ERG: variants seen among roughly 807,000 people sequenced by gnomAD.
ERG encodes the protein ETS transcription factor ERG, also known as transcriptional regulator ERG.
Under a neutral mutation model 55.3 loss-of-function variants are expected in ERG, and 9 were observed. That is an observed-to-expected ratio of 0.16 (90% confidence interval 0.10 to 0.28). The LOEUF is 0.28. Ranked by LOEUF, ERG falls within the 10% of genes least tolerant of loss-of-function variation. The probability of loss-of-function intolerance (pLI) is 1.00; values close to 1 mark genes in which losing one functional copy is unlikely to be tolerated. For missense variants in ERG, 434 were observed against 631.6 expected (o/e 0.69, Z 3.35); for synonymous variants, 223 against 237.3 (o/e 0.94, Z 0.55).
intron 2 of ERG, among the ~76,000 whole-genome samples, chr21:38,431,833 C>T (rs1015570513): frequency 5.2e-4 from 79 of 152,198 alleles, no homozygotes; most frequent in Non-Finnish European, 6.5e-4. Context: ...CTAAGACCAT[C>T]CCGCACCGTG....
In ERG at chr21:38,473,587, A is replaced by T. The variant is rs184636593; in HGVS notation, c.18+24776T>A. Among the ~76,000 whole-genome samples, 24 of 152,326 alleles carry T rather than the reference A, an allele frequency of 1.6e-4. No individual in the cohort carries two copies. The East Asian group carries it at 4.4e-3, about 28-fold the overall frequency. Reference sequence around the variant, plus strand: ...AAATCTGGGAGCATCAAAAATTAAGATGCATTTACAAATCCTAGGAGAAGA... The same window carrying T: ...AAATCTGGGAGCATCAAAAATTAAGTTGCATTTACAAATCCTAGGAGAAGA... On this transcript the variant is annotated intron_variant, in intron 1 of 9. Coordinates refer to ENST00000288319, the MANE Select transcript of ERG (RefSeq NM_182918.4).
intron 1 of ERG, among the ~76,000 whole-genome samples, chr21:38,457,539 C>T (rs2059002077): frequency 6.6e-6 from 1 of 152,106 alleles, no homozygotes; most frequent in Non-Finnish European, 1.5e-5. Context: ...GAAATCTTGA[C>T]GTGTACACAG....
chr21:38,394,931 C>G (rs1988136832), intron 6 of ERG, among the ~76,000 whole-genome samples: 1 of 152,068 alleles, frequency 6.6e-6, no homozygotes, highest in African/African-American at 2.4e-5. Flanking sequence ...TGAAATGTGA[C>G]TGGGAAAAAA....
intron 2 of ERG, among the ~76,000 whole-genome samples, chr21:38,541,005 T>TG (rs1202468313): frequency 6.6e-6 from 1 of 152,040 alleles, no homozygotes; most frequent in Non-Finnish European, 1.5e-5. Context: ...GGGGAGGCAC[T>TG]GGGGTGGAAG....
intron 1 of ERG, among the ~76,000 whole-genome samples, chr21:38,608,665 C>A (rs1310008424): frequency 6.6e-6 from 1 of 152,100 alleles, no homozygotes; most frequent in African/African-American, 2.4e-5. Flanking sequence ...GTGTCTGGGA[C>A]CCCACATTCT....
chr21:38,624,714 TA>T (rs1315492645), intron 1 of ERG, among the ~76,000 whole-genome samples: 1 of 152,162 alleles, frequency 6.6e-6, no homozygotes, highest in Non-Finnish European at 1.5e-5. Flanking sequence ...TTCTTGTCTG[TA>T]AAACTGGGAT....
At chr21:38,501,061 CTTTTTTT>C (rs34639260), upstream of ERG, among the ~76,000 whole-genome samples, 1 of 81,186 alleles carries the variant, frequency 1.2e-5, no homozygotes, top group Non-Finnish European at 2.3e-5. Context: ...CAAGGCACAT[CTTTTTTT>C]TTTTTTTTTT....
chr21:38,600,753 G>A (rs1006588074), intron 1 of ERG, among the ~76,000 whole-genome samples: 1 of 152,214 alleles, frequency 6.6e-6, no homozygotes, highest in African/African-American at 2.4e-5. Context: ...CTGGCTTAAA[G>A]ATGCCAAGAG....
chr21:38,396,052 C>G (rs554495536), intron 6 of ERG, among the ~76,000 whole-genome samples: 1 of 152,298 alleles, frequency 6.6e-6, no homozygotes, highest in Non-Finnish European at 1.5e-5. Context: ...GGTTCCCTGG[C>G]TGGGCTGGAT....
chr21:38,530,259 C>T (rs1232971470), intron 2 of ERG, among the ~76,000 whole-genome samples: 7 of 151,980 alleles, frequency 4.6e-5, no homozygotes, highest in Non-Finnish European at 8.8e-5. Context: ...AGGGTTTCAT[C>T]GTGTTGGCCA....
chr21:38,566,027 C>G (rs986779336), intron 2 of ERG, among the ~76,000 whole-genome samples: 6 of 152,088 alleles, frequency 3.9e-5, no homozygotes, highest in African/African-American at 1.4e-4. Flanking sequence ...CCATTGTCAC[C>G]CATCAAATCA....
At chr21:38,655,677 G>A (rs756963488) in intron 1 of ERG, among the ~76,000 whole-genome samples, 2 of 152,108 alleles carry the variant, frequency 1.3e-5, no homozygotes, top group Admixed American at 6.5e-5. Context: ...GCTTGAGTGT[G>A]GATTTTTAAA....
chr21:38,518,234 GTGTATCTATCTATC>G (rs894603104), intron 2 of ERG, among the ~76,000 whole-genome samples: 16 of 134,972 alleles, frequency 1.2e-4, no homozygotes, highest in African/African-American at 4.4e-4. Flanking sequence ...ATGTGTGTGT[GTGTATCTATCTATC>G]TATCTATCTA....
intron 2 of ERG, among the ~76,000 whole-genome samples, chr21:38,552,904 C>T (rs1479977961): frequency 1.3e-5 from 2 of 151,524 alleles, no homozygotes; most frequent in South Asian, 2.1e-4. Context: ...GTCAAACTAT[C>T]TCTCTTCACA....
chr21:38,585,946 T>C (rs1272984904), upstream of ERG, among the ~76,000 whole-genome samples: 1 of 150,772 alleles, frequency 6.6e-6, no homozygotes, highest in Admixed American at 6.6e-5. Context: ...CATCCCAATA[T>C]TGCACAAAGA....
chr21:38,518,231 T>C (rs990610325), intron 2 of ERG, among the ~76,000 whole-genome samples: 6 of 140,036 alleles, frequency 4.3e-5, no homozygotes, highest in African/African-American at 1.6e-4. Flanking sequence ...ACTATGTGTG[T>C]GTGTGTATCT....
At chr21:38,388,928 C>G (rs1000377795) in intron 9 of ERG, among the ~76,000 whole-genome samples, 5 of 152,192 alleles carry the variant, frequency 3.3e-5, no homozygotes, top group African/African-American at 1.2e-4. Context: ...ATTCTACAAA[C>G]AAGCCAAGCA....
At chr21:38,623,301 C>T (rs1211404458) in intron 1 of ERG, among the ~76,000 whole-genome samples, 2 of 144,588 alleles carry the variant, frequency 1.4e-5, no homozygotes, top group African/African-American at 5.2e-5. Flanking sequence ...TCCACCCACA[C>T]ACCACACACC....
intron 2 of ERG, among the ~76,000 whole-genome samples, chr21:38,521,126 CGAG>C (rs979514580): frequency 6.6e-6 from 1 of 152,048 alleles, no homozygotes; most frequent in Non-Finnish European, 1.5e-5. Context: ...AGCACAGAGT[CGAG>C]GAGGAGGATT....
Sources: gnomAD v4.1 joint callset for allele counts (sites outside exome capture counted in the v4.1 genomes callset) on GRCh38, gnomAD v4.1.1 for gene constraint, MANE v1.5 for transcripts, NCBI Gene and HGNC (gene_info 2026-07-23, HGNC 2026-07-21) for gene names.